SPPL3: variants seen among roughly 807,000 people sequenced by gnomAD.
The protein encoded by SPPL3 is signal peptide peptidase like 3, also known as signal peptide peptidase-like 3.
SPPL3 carries 5 observed loss-of-function variants against 42.4 expected under a neutral mutation model. The observed-to-expected ratio is 0.12, with a 90% CI of 0.06 to 0.25. The LOEUF (loss-of-function observed/expected upper bound fraction) is 0.25. Among genes scored for constraint, SPPL3 ranks in the 10% least tolerant of loss-of-function variants. The pLI, the probability that SPPL3 is intolerant of heterozygous loss-of-function variation, is 1.00. For missense variants in SPPL3, 235 were observed against 489.0 expected, an observed-to-expected ratio of 0.48 and a Z score of 4.90; for synonymous variants, 195 against 181.8, an observed-to-expected ratio of 1.07 and a Z score of -0.58.
At chr12:120,803,015 C>T (rs1416386584) in intron 2 of SPPL3, among the ~76,000 whole-genome samples, 1 of 152,198 alleles carries the variant, frequency 6.6e-6, no homozygotes, top group Non-Finnish European at 1.5e-5. Context: ...GATGAATGAA[C>T]TTAACATTAT....
At chr12:120,877,180 TATA>T (rs1873131084) in intron 1 of SPPL3, among the ~76,000 whole-genome samples, 1 of 152,158 alleles carries the variant, frequency 6.6e-6, no homozygotes, top group African/African-American at 2.4e-5. Flanking sequence ...CCTAAATCAA[TATA>T]TAGCCTAAAC....
chr12:120,837,579 A>G (rs1216593898), intron 1 of SPPL3, among the ~76,000 whole-genome samples: 1 of 152,218 alleles, frequency 6.6e-6, no homozygotes, highest in Non-Finnish European at 1.5e-5. Flanking sequence ...CTTACTCTTT[A>G]TATCATACAA....
intron 1 of SPPL3, among the ~76,000 whole-genome samples, chr12:120,902,300 C>T (rs1445332423): frequency 6.6e-6 from 1 of 152,206 alleles, no homozygotes. Context: ...TTATCATCTT[C>T]AATCCCCAAC....
At position 120,829,602 on chromosome 12, in the gene SPPL3, G is replaced by GA. The variant is rs1201517874; in HGVS notation, c.24-18717dup. Among the ~76,000 whole-genome samples, 14 of 150,198 alleles carry GA rather than the reference G, an allele frequency of 9.3e-5. No homozygotes were observed. The East Asian group carries it at 1.2e-3, about 13-fold the overall frequency. ...CAGAGGGAGACTCTGCCTCAAAAAA[G>GA]AAAAAAAACAAAACAAAACTGCTCT... On this transcript the variant is annotated intron_variant, in intron 1 of 10. Coordinates refer to ENST00000353487, the MANE Select transcript of SPPL3 (RefSeq NM_139015.5).
At chr12:120,817,129 A>C (rs1483439894) in intron 1 of SPPL3, among the ~76,000 whole-genome samples, 6 of 146,782 alleles carry the variant, frequency 4.1e-5, no homozygotes, top group African/African-American at 1.6e-4. Flanking sequence ...CTCTATGAAA[A>C]ATTAAAAAAA....
intron 6 of SPPL3, among the ~76,000 whole-genome samples, chr12:120,782,161 T>C (rs955298021): frequency 1.3e-5 from 2 of 152,222 alleles, no homozygotes; most frequent in Non-Finnish European, 2.9e-5. Context: ...TGAGCCATTG[T>C]GCGAAGCTTC....
At position 120,789,318 on chromosome 12, in the gene SPPL3, G is replaced by T. The variant is rs1869827802; in HGVS notation, c.190+2151C>A. The stretch of plus-strand genomic sequence containing the variant: ...AAAATACAAAAATTAGCCAGGTGTG[G>T]TGGTGGGTGCCTGTAATCCCAGCTA... On this transcript the variant is annotated intron_variant, in intron 3 of 10. Coordinates refer to ENST00000353487, the MANE Select transcript of SPPL3 (RefSeq NM_139015.5). Among the ~76,000 whole-genome samples, 2 of 151,702 alleles carry T rather than the reference G, an allele frequency of 1.3e-5. 1 individual carries two copies. The highest frequency in any genetic ancestry group is 4.2e-4 in the South Asian group (2 of 4,816).
intron 1 of SPPL3, among the ~76,000 whole-genome samples, chr12:120,840,797 A>G (rs1434739262): frequency 1.3e-5 from 2 of 151,928 alleles, no homozygotes; most frequent in Non-Finnish European, 1.5e-5. Flanking sequence ...GTGCCATTAC[A>G]CACCCCAGCC....
chr12:120,791,725 C>T, intron 2 of SPPL3, 168 bp from the exon 3 acceptor site: 3 of 556,128 alleles, frequency 5.4e-6, no homozygotes, highest in Non-Finnish European at 6.3e-6. Flanking sequence ...TTCAGTCCTT[C>T]CAATGTGTCA....
chr12:120,852,642 C>T (rs1444686405), intron 1 of SPPL3, among the ~76,000 whole-genome samples: 2 of 13,648 alleles, frequency 1.5e-4, no homozygotes, highest in African/African-American at 3.0e-4. Context: ...GAAATATATG[C>T]ATATATAATA....
intron 1 of SPPL3, among the ~76,000 whole-genome samples, chr12:120,898,304 T>G (rs1350533184): frequency 0.042 from 4,436 of 105,582 alleles, 79 homozygotes; most frequent in South Asian, 0.13. Context: ...CTGTTTTTTT[T>G]TTTTTTTTTT....
rs538950097 is a variant in SPPL3 at position 120,870,893 on chromosome 12, G to A, written c.23+32952C>T. Among the ~76,000 whole-genome samples the A allele has an allele frequency of 6.3e-4, 96 of 151,874 alleles. 1 individual carries two copies. In the Middle Eastern group the frequency reaches 0.017, roughly 27 times the overall value. Reference sequence around the variant, plus strand: ...TTTAAGAAGATGAACTTTGGGAGGCGGAGGCGGGCAGATTGCCTCAGCTCA... The same window carrying A: ...TTTAAGAAGATGAACTTTGGGAGGCAGAGGCGGGCAGATTGCCTCAGCTCA... On this transcript the variant is annotated intron_variant, in intron 1 of 10. Coordinates refer to ENST00000353487, the MANE Select transcript of SPPL3 (RefSeq NM_139015.5).
Position 120,764,945 on chromosome 12 carries a change from T to G in SPPL3, c.*54A>C. 4.3e-4 allele frequency: 672 copies of G among 1,578,722 alleles called. No individual in the cohort carries two copies. The highest frequency in any genetic ancestry group is 5.1e-4 in the Non-Finnish European group (592 of 1,153,322). ...GCCAGCTCTAAGAGGAAACAAACCA[T>G]GAGTTGAGAGAAAAGGACTATGACG... On this transcript the variant is annotated 3_prime_UTR_variant, in exon 11 of 11. Coordinates refer to ENST00000353487, the MANE Select transcript of SPPL3 (RefSeq NM_139015.5).
chr12:120,781,410 T>TCTATATC (rs1869532052), intron 6 of SPPL3, among the ~76,000 whole-genome samples: 2 of 152,086 alleles, frequency 1.3e-5, no homozygotes, highest in African/African-American at 4.8e-5. Flanking sequence ...TATAGACATG[T>TCTATATC]ATTTATATCA....
At chr12:120,771,022 C>A (rs987252698) in intron 6 of SPPL3, among the ~76,000 whole-genome samples, 1 of 152,204 alleles carries the variant, frequency 6.6e-6, no homozygotes. Flanking sequence ...CTCTTTTACA[C>A]CCTGCCTGGC....
chr12:120,829,054 G>A (rs1446491699), intron 1 of SPPL3, among the ~76,000 whole-genome samples: 1 of 152,122 alleles, frequency 6.6e-6, no homozygotes, highest in East Asian at 1.9e-4. Context: ...ATGAGTTATT[G>A]GGCCCAGACT....
intron 1 of SPPL3, among the ~76,000 whole-genome samples, chr12:120,835,012 G>T (rs1871562048): frequency 6.6e-6 from 1 of 152,154 alleles, no homozygotes. Flanking sequence ...TTAGTTTGTT[G>T]TAACATTCTT....
chr12:120,859,458 G>A (rs570593043), intron 1 of SPPL3, among the ~76,000 whole-genome samples: 1 of 152,176 alleles, frequency 6.6e-6, no homozygotes. Flanking sequence ...CTGAAGTTAA[G>A]AATTGTGACA....
At chr12:120,826,139 C>A (rs1871224424) in intron 1 of SPPL3, among the ~76,000 whole-genome samples, 1 of 139,396 alleles carries the variant, frequency 7.2e-6, no homozygotes, top group South Asian at 2.7e-4. Context: ...ACTAAAAATA[C>A]AAAATTAGCC....
Sources: gnomAD v4.1 joint callset for allele counts (sites outside exome capture counted in the v4.1 genomes callset) on GRCh38, gnomAD v4.1.1 for gene constraint, MANE v1.5 for transcripts, NCBI Gene and HGNC (gene_info 2026-07-23, HGNC 2026-07-21) for gene names.